ANO3: variants seen among roughly 807,000 people sequenced by gnomAD.
The protein encoded by ANO3 is anoctamin-3.
Under a neutral mutation model 144.8 loss-of-function variants are expected in ANO3, and 99 were observed. The observed-to-expected ratio is 0.68, with a 90% CI of 0.58 to 0.81. The LOEUF is 0.81. ANO3 is among the 30% of genes least tolerant of loss of function. ANO3 has a pLI of 0.00. For synonymous variants in ANO3, 414 were observed against 392.6 expected, an observed-to-expected ratio of 1.05 and a Z score of -0.64; for missense variants, 905 against 1,202.2, an observed-to-expected ratio of 0.75 and a Z score of 3.66.
chr11:26,206,847 C>T (rs1207837967), intron 1 of ANO3, among the ~76,000 whole-genome samples: 1 of 152,126 alleles, frequency 6.6e-6, no homozygotes, highest in Non-Finnish European at 1.5e-5. Flanking sequence ...TGCGCCGTTT[C>T]AGTTTATTAT....
intron 1 of ANO3, among the ~76,000 whole-genome samples, chr11:26,273,582 G>A (rs1462954962): frequency 1.3e-5 from 2 of 150,050 alleles, no homozygotes; most frequent in African/African-American, 4.9e-5. Flanking sequence ...GCCTTCACAG[G>A]ATTTACGACA....
intron 1 of ANO3, among the ~76,000 whole-genome samples, chr11:26,386,526 T>G (rs13377552): frequency 0.27 from 40,407 of 152,056 alleles, 6,028 homozygotes; most frequent in African/African-American, 0.41. Flanking sequence ...ACATTTCAGA[T>G]ACTAACATGA....
intron 10 of ANO3, among the ~76,000 whole-genome samples, chr11:26,538,445 C>T (rs1222892027): frequency 6.6e-6 from 1 of 152,126 alleles, no homozygotes; most frequent in African/African-American, 2.4e-5. Flanking sequence ...TTATTCTGAA[C>T]ATAACCCTGG....
At chr11:26,370,436 G>A (rs1856217540) in intron 1 of ANO3, among the ~76,000 whole-genome samples, 1 of 152,140 alleles carries the variant, frequency 6.6e-6, no homozygotes, top group African/African-American at 2.4e-5. Flanking sequence ...AGCAACATGA[G>A]AATGAATACA....
chr11:26,269,413 C>A (rs946608862), intron 1 of ANO3, among the ~76,000 whole-genome samples: 4 of 152,296 alleles, frequency 2.6e-5, no homozygotes, highest in African/African-American at 7.2e-5. Flanking sequence ...TCTTACTTTT[C>A]CTATCTCTCT....
chr11:26,268,810 A>C (rs1465877689), intron 1 of ANO3, among the ~76,000 whole-genome samples: 1 of 152,180 alleles, frequency 6.6e-6, no homozygotes, highest in Non-Finnish European at 1.5e-5. Flanking sequence ...ATTGCCCCAC[A>C]CAACACAGTA....
intron 1 of ANO3, among the ~76,000 whole-genome samples, chr11:26,397,730 A>G (rs996074653): frequency 1.3e-5 from 2 of 152,058 alleles, no homozygotes; most frequent in African/African-American, 4.8e-5. Context: ...TAGATATTTA[A>G]AACTGCAAAA....
chr11:26,599,682 A>G lies in ANO3; in HGVS notation c.1804A>G (p.Ile602Val). ...QFATSAAAVC[I>V]NFIIIMLLNL... ...TGCAACATCTGCTGCTGCTGTCTGT[A>G]TCAATTTCATAATCATTATGTTGCT... The change falls in exon 17 of 27, where the codon ATC becomes GTC. Residue 602 changes from isoleucine (I) to valine (V), a missense_variant. This residue lies in a region of ANO3 where 597 missense variants were observed against 865.1 expected (regional missense o/e 0.69). Transcript: ENST00000256737. The G allele has an allele frequency of 6.2e-7, 1 of 1,614,108 alleles. No homozygotes were observed. Among genetic ancestry groups the G allele is most frequent in the East Asian group, 2.2e-5 (1 of 44,870 alleles).
intron 1 of ANO3, among the ~76,000 whole-genome samples, chr11:26,207,009 A>T (rs990477582): frequency 6.6e-6 from 1 of 151,750 alleles, no homozygotes; most frequent in Non-Finnish European, 1.5e-5. Context: ...GATCTAAAAC[A>T]GTTAGAGCAG....
chr11:26,655,770 T>C (rs1286796010), intron 24 of ANO3, among the ~76,000 whole-genome samples: 1 of 152,184 alleles, frequency 6.6e-6, no homozygotes, highest in African/African-American at 2.4e-5. Context: ...TATTAACTAC[T>C]TAATTATAAT....
At chr11:26,235,002 A>AGAGAGAGAGAGAGAGAGAGAG (rs1852485409) in intron 1 of ANO3, among the ~76,000 whole-genome samples, 1 of 140,166 alleles carries the variant, frequency 7.1e-6, no homozygotes, top group Non-Finnish European at 1.6e-5. Context: ...AGAGAAAAGA[A>AGAGAGAGAGAGAGAGAGAGAG]AGAGAGAGAG....
chr11:26,491,126 A>G (rs1860691002), intron 4 of ANO3, among the ~76,000 whole-genome samples: 2 of 152,140 alleles, frequency 1.3e-5, no homozygotes, highest in South Asian at 2.1e-4. Flanking sequence ...TGATAAATGT[A>G]TCTATTCTTG....
intron 1 of ANO3, among the ~76,000 whole-genome samples, chr11:26,219,385 C>T (rs1399563392): frequency 6.6e-6 from 1 of 152,168 alleles, no homozygotes; most frequent in Non-Finnish European, 1.5e-5. Context: ...CTGAACTATT[C>T]TGTTTTGTAC....
At chr11:26,432,294 A>G (rs1858132726) in intron 1 of ANO3, among the ~76,000 whole-genome samples, 1 of 152,142 alleles carries the variant, frequency 6.6e-6, no homozygotes, top group Non-Finnish European at 1.5e-5. Flanking sequence ...AGTTCGCTAT[A>G]GATGCTGGAT....
At chr11:26,525,138 A>G (rs1352028353) in intron 6 of ANO3, among the ~76,000 whole-genome samples, 1 of 152,068 alleles carries the variant, frequency 6.6e-6, no homozygotes, top group Non-Finnish European at 1.5e-5. Context: ...TCAACTATCA[A>G]GGAAGCTTCT....
intron 1 of ANO3, among the ~76,000 whole-genome samples, chr11:26,430,041 C>T (rs572071491): frequency 6.6e-6 from 1 of 151,922 alleles, no homozygotes; most frequent in Non-Finnish European, 1.5e-5. Flanking sequence ...AGTTTGAGAT[C>T]GAGAACATCC....
chr11:26,455,278 C>G (rs2134045154), intron 3 of ANO3, among the ~76,000 whole-genome samples: 1 of 150,286 alleles, frequency 6.7e-6, no homozygotes, highest in Non-Finnish European at 1.5e-5. Flanking sequence ...AAGAGGAAGT[C>G]AAATTGTCCC....
chr11:26,559,514 ATGT>A (rs1216056854), intron 13 of ANO3: 3 of 547,218 alleles, frequency 5.5e-6, no homozygotes, highest in East Asian at 5.9e-5. Context: ...AAGAGGGCTA[ATGT>A]TGTTTCTTCA....
At chr11:26,409,077 T>A (rs1177208725) in intron 1 of ANO3, among the ~76,000 whole-genome samples, 1 of 151,368 alleles carries the variant, frequency 6.6e-6, no homozygotes, top group Non-Finnish European at 1.5e-5. Context: ...TATATACATA[T>A]GTAACAAACC....
Sources: gnomAD v4.1 joint callset for allele counts (sites outside exome capture counted in the v4.1 genomes callset) on GRCh38, gnomAD v4.1.1 for gene constraint, gnomAD v4.1.1 regional missense constraint, MANE v1.5 for transcripts, NCBI Gene and HGNC (gene_info 2026-07-23, HGNC 2026-07-21) for gene names.